S100A10: variants seen among roughly 807,000 people sequenced by gnomAD.
S100A10 encodes the protein protein S100-A10.
A neutral mutation model predicts 7.1 loss-of-function variants in S100A10; 3 were observed. The observed-to-expected ratio is 0.42, with a 90% CI of 0.19 to 1.10. The LOEUF is 1.10. Among genes scored for constraint, S100A10 ranks in the 50% least tolerant of loss-of-function variants. S100A10 has a pLI of 0.29. For synonymous variants in S100A10, 41 were observed against 39.3 expected (o/e 1.04, Z -0.16); for missense variants, 101 against 118.1 (o/e 0.86, Z 0.67).
intron 1 of S100A10, chr1:151,992,670 A>G (rs753813755): frequency 4.6e-5 from 7 of 152,116 alleles, no homozygotes; most frequent in Non-Finnish European, 1.0e-4. Context: ...CACTGGGAGA[A>G]TCCTGGAGCC....
chr1:151,987,640 C>T (rs1163987575), intron 1 of S100A10, among the ~76,000 whole-genome samples: 4 of 149,652 alleles, frequency 2.7e-5, no homozygotes, highest in South Asian at 2.1e-4. Flanking sequence ...CCTGGATTCA[C>T]GGCATTCTCC....
intron 1 of S100A10, among the ~76,000 whole-genome samples, chr1:151,987,897 T>A (rs1315213359): frequency 1.3e-5 from 2 of 152,244 alleles, no homozygotes; most frequent in African/African-American, 4.8e-5. Flanking sequence ...TCTCTGGCAG[T>A]AAAATACAGT....
chr1:151,985,686 G>T (rs1655775495), intron 2 of S100A10, among the ~76,000 whole-genome samples: 1 of 152,172 alleles, frequency 6.6e-6, no homozygotes, highest in African/African-American at 2.4e-5. Context: ...GGACCTGAAG[G>T]TAGCCATTTT....
chr1:151,983,137 G>T lies in S100A10; in HGVS notation c.*26C>A. On this transcript the variant is annotated 3_prime_UTR_variant, in exon 3 of 3. Transcript: ENST00000368811. ...CGACCCTTTGGGACAACTCTTATCA[G>T]GGAGGAGCGAACTGCTCATTTCTGC... 6.6e-7 allele frequency: 1 copy of T among 1,514,820 alleles called. No homozygotes were observed. The highest frequency in any genetic ancestry group is 8.8e-7 in the Non-Finnish European group (1 of 1,135,552). The allele number at this position is 1,514,820 out of a possible 1,614,324, so 93.8% of individuals were successfully genotyped here.
chr1:151,992,459 C>G (rs41265236), intron 1 of S100A10: 20,091 of 152,272 alleles, frequency 0.13, 1,753 homozygotes, highest in Non-Finnish European at 0.19. Context: ...AATTACTGCC[C>G]TCACCGGCAG....
rs368494535 is a variant in S100A10, at chr1:151,986,173, C to T, written c.58G>A (p.Ala20Thr). The T allele has an allele frequency of 1.1e-5, 18 of 1,609,774 alleles. No individual in the cohort carries two copies. The highest frequency in any genetic ancestry group is 3.3e-4 in the Middle Eastern group (2 of 6,070). The change falls in exon 2 of 3, where the codon GCT becomes ACT. Residue 20 changes from alanine (A) to threonine (T), a missense_variant. Coordinates refer to ENST00000368811, the MANE Select transcript of S100A10 (RefSeq NM_002966.3). ...TTTGTTAAGTAGCCTTTATCCCCAG[C>T]GAATTTGTGAAATGTAAACATCATG... ...ETMMFTFHKFAGDKGYLTKED... is the reference protein window; with the variant it reads ...ETMMFTFHKFTGDKGYLTKED...
At chr1:151,985,572 A>C (rs548914283) in intron 2 of S100A10, among the ~76,000 whole-genome samples, 1 of 152,346 alleles carries the variant, frequency 6.6e-6, no homozygotes, top group South Asian at 2.1e-4. Context: ...TAGTATTAGA[A>C]AAAGAAAAAA....
chr1:151,989,029 T>G (rs1365294445), intron 1 of S100A10, among the ~76,000 whole-genome samples: 1 of 152,170 alleles, frequency 6.6e-6, no homozygotes, highest in Non-Finnish European at 1.5e-5. Flanking sequence ...GTTTACTTTT[T>G]TCAGATGACA....
intron 1 of S100A10, among the ~76,000 whole-genome samples, chr1:151,991,644 A>C (rs1655904904): frequency 6.6e-6 from 1 of 152,228 alleles, no homozygotes; most frequent in Non-Finnish European, 1.5e-5. Flanking sequence ...AAGATGTTAA[A>C]ATTTTAGTCC....
chr1:151,983,112 C>T lies in S100A10; in HGVS notation c.*51G>A, dbSNP rs768205699. The T allele has an allele frequency of 1.0e-5, 14 of 1,344,164 alleles. No individual in the cohort carries two copies. In the South Asian group the frequency reaches 1.2e-4, roughly 12 times the overall value. 83.3% of individuals were successfully genotyped at this position (1,344,164 alleles called of 1,614,324 possible). ...GAAGCTGTGGGGCAGATTCCTTAAG[C>T]GACCCTTTGGGACAACTCTTATCAG... On this transcript the variant is annotated 3_prime_UTR_variant, in exon 3 of 3. Coordinates refer to ENST00000368811, the MANE Select transcript of S100A10 (RefSeq NM_002966.3).
Position 151,983,171 on chromosome 1 carries a change from T to G in S100A10, c.286A>C (p.Lys96Gln). The change falls in exon 3 of 3, where the codon AAG (lysine) becomes CAG (glutamine). Residue 96 changes from lysine to glutamine, a missense_variant. Coordinates refer to ENST00000368811, the MANE Select transcript of S100A10 (RefSeq NM_002966.3). ...YFVVHMKQKGKK is the reference protein window; with the variant it reads ...YFVVHMKQKGQK The stretch of plus-strand genomic sequence containing the variant: ...GAACTGCTCATTTCTGCCTACTTCT[T>G]TCCCTTCTGCTTCATGTGTACTACA... 1 of 1,574,706 alleles carries G rather than the reference T, an allele frequency of 6.4e-7. No homozygotes were observed. Among genetic ancestry groups the G allele is most frequent in the Non-Finnish European group, 8.6e-7 (1 of 1,166,078 alleles).
At chr1:151,990,197 G>A (rs528283863) in intron 1 of S100A10, among the ~76,000 whole-genome samples, 1 of 152,288 alleles carries the variant, frequency 6.6e-6, no homozygotes, top group East Asian at 1.9e-4. Flanking sequence ...GGCCCCAAAA[G>A]TGTTCAACTA....
intron 2 of S100A10, chr1:151,984,216 T>C (rs1263972602): frequency 6.6e-6 from 1 of 152,242 alleles, no homozygotes; most frequent in Non-Finnish European, 1.5e-5. Flanking sequence ...TCAGGTAAAC[T>C]ATTTATGAAT....
At chr1:151,990,300 C>A (rs1655879085) in intron 1 of S100A10, among the ~76,000 whole-genome samples, 1 of 152,262 alleles carries the variant, frequency 6.6e-6, no homozygotes, top group Non-Finnish European at 1.5e-5. Context: ...GTCAGAATGA[C>A]ATGACTGTGC....
chr1:151,987,385 T>C (rs533963682), intron 1 of S100A10, among the ~76,000 whole-genome samples: 12 of 152,224 alleles, frequency 7.9e-5, no homozygotes, highest in Admixed American at 3.9e-4. Context: ...ATGGGATTCT[T>C]AGATATGGCT....
chr1:151,990,756 A>G (rs1172294175), intron 1 of S100A10, among the ~76,000 whole-genome samples: 4 of 152,202 alleles, frequency 2.6e-5, no homozygotes, highest in Admixed American at 2.0e-4. Context: ...CTAATGGAAT[A>G]CTATTAAAGC....
chr1:151,984,980 T>C (rs1465726252), intron 2 of S100A10, among the ~76,000 whole-genome samples: 1 of 152,170 alleles, frequency 6.6e-6, no homozygotes, highest in Non-Finnish European at 1.5e-5. Flanking sequence ...GGGATAGCAT[T>C]AGGTAATAAC....
chr1:151,991,203 T>A (rs1047592930), intron 1 of S100A10, among the ~76,000 whole-genome samples: 1 of 152,204 alleles, frequency 6.6e-6, no homozygotes, highest in African/African-American at 2.4e-5. Context: ...TTGGAGTTTT[T>A]AAAATTGAAC....
chr1:151,991,125 T>C lies in S100A10; in HGVS notation c.-22+2627A>G, dbSNP rs181622123. Among the ~76,000 whole-genome samples the C allele has an allele frequency of 1.3e-3, 199 of 152,186 alleles. 4 individuals carry two copies. The East Asian group carries it at 0.027, about 21-fold the overall frequency. The stretch of plus-strand genomic sequence containing the variant: ...CCCACCCAGAAAATAAACGGCAGGG[T>C]GTCAGTAAAAACAAACATCTGTTAT... On this transcript the variant is annotated intron_variant, in intron 1 of 2. Transcript: ENST00000368811.
Sources: allele counts gnomAD v4.1 joint callset (sites outside exome capture counted in the v4.1 genomes callset), GRCh38; gene constraint gnomAD v4.1.1; transcripts MANE v1.5; gene names NCBI Gene and HGNC (gene_info 2026-07-23, HGNC 2026-07-21).